Variants in ITPRID1 observed in about 807,000 individuals in gnomAD.
ITPRID1 encodes protein ITPRID1.
A neutral mutation model predicts 95.4 loss-of-function variants in ITPRID1; 96 were observed. The ratio of observed to expected loss-of-function variants is 1.01; its 90% CI spans 0.85 to 1.19. The LOEUF is 1.19. ITPRID1 is among the 50% of genes most tolerant of loss of function. The probability of loss-of-function intolerance (pLI) is 0.00; values close to 1 mark genes in which losing one functional copy is unlikely to be tolerated. For missense variants in ITPRID1, 1,339 were observed against 1,252.9 expected (o/e 1.07, Z -1.04); for synonymous variants, 510 against 453.6 (o/e 1.12, Z -1.58).
intron 6 of ITPRID1, among the ~76,000 whole-genome samples, chr7:31,571,270 C>A (rs1461434397): frequency 2.6e-5 from 4 of 152,242 alleles, no homozygotes; most frequent in Admixed American, 2.0e-4. Context: ...TCATGATCCA[C>A]CCACCTCGGC....
intron 5 of ITPRID1, among the ~76,000 whole-genome samples, chr7:31,563,643 C>A (rs578049429): frequency 1.3e-5 from 2 of 152,128 alleles, no homozygotes; most frequent in Non-Finnish European, 2.9e-5. Flanking sequence ...CCTGAACTCA[C>A]TGTAGTGAGA....
rs190412626 is a variant in ITPRID1, at chr7:31,572,648, A to G, written c.395+460A>G. 1.0e-3 allele frequency among the ~76,000 whole-genome samples: 159 copies of G among 152,262 alleles called. 1 individual carries two copies. The highest frequency in any genetic ancestry group is 3.7e-3 in the African/African-American group (154 of 41,560). On this transcript the variant is annotated intron_variant, in intron 7 of 14. Transcript: ENST00000615280. Reference sequence around the variant, plus strand: ...TAGGTTTAACTGGAAGAGGGTCAGGATTGGTGGGGGTAATAATTGAGGGGA... The same window carrying G: ...TAGGTTTAACTGGAAGAGGGTCAGGGTTGGTGGGGGTAATAATTGAGGGGA...
intron 9 of ITPRID1, 74 bp downstream of exon 9, chr7:31,578,508 C>A: frequency 9.5e-7 from 1 of 1,050,496 alleles, no homozygotes; most frequent in Non-Finnish European, 1.4e-6. Flanking sequence ...TTCCAGCCCT[C>A]ATTTCACCAC....
At chr7:31,562,544 AG>A (rs1784659964) in intron 5 of ITPRID1, among the ~76,000 whole-genome samples, 1 of 152,224 alleles carries the variant, frequency 6.6e-6, no homozygotes, top group South Asian at 2.1e-4. Flanking sequence ...TATAAGAAAA[AG>A]TCAAAGTAAA....
rs779836058 is a variant in ITPRID1, at chr7:31,578,009, C to T, written c.745C>T (p.His249Tyr). The T allele has an allele frequency of 4.3e-6, 7 of 1,613,814 alleles. No homozygotes were observed. The Admixed American group carries it at 1.2e-4, about 27-fold the overall frequency. Residue 249 changes from histidine to tyrosine, a missense_variant, in exon 9 of 15, where the codon CAT (histidine) becomes TAT (tyrosine). Physicochemically the swap from His to Tyr is moderately conservative, Grantham distance 83. Coordinates refer to ENST00000615280, the MANE Select transcript of ITPRID1 (RefSeq NM_001257967.3). ...AACCTCAGTGAGTGCCGCCAAAGAGCATCGAAGAAGAATGGGTAAACTCTT... is the reference window on the plus strand; with the variant it reads ...AACCTCAGTGAGTGCCGCCAAAGAGTATCGAAGAAGAATGGGTAAACTCTT... ...QRTSVSAAKE[H>Y]RRRMGKLLRR...
At position 31,530,919 on chromosome 7, in the gene ITPRID1, T is replaced by C. The variant is rs116739558; in HGVS notation, c.-98+16799T>C. Among the ~76,000 whole-genome samples the C allele has an allele frequency of 5.9e-3, 894 of 152,352 alleles. 11 individuals are homozygous for C. The highest frequency in any genetic ancestry group is 0.021 in the African/African-American group (855 of 41,574). ...TCTTCTGGTTCAGACACCAGAGTAC[T>C]GCCTGATTAGCCTTGCTCAGAACTT... On this transcript the variant is annotated intron_variant, in intron 1 of 14. Transcript: ENST00000615280.
chr7:31,612,403 T>C (rs1786914408), intron 10 of ITPRID1, among the ~76,000 whole-genome samples: 1 of 152,138 alleles, frequency 6.6e-6, no homozygotes, highest in Non-Finnish European at 1.5e-5. Flanking sequence ...TCTTTCTCAT[T>C]TCTTTGTGTG....
At chr7:31,548,260 A>G (rs1159910454) in intron 1 of ITPRID1, among the ~76,000 whole-genome samples, 1 of 152,124 alleles carries the variant, frequency 6.6e-6, no homozygotes, top group East Asian at 1.9e-4. Context: ...ATTGATAATG[A>G]AATCTTCCAG....
At chr7:31,556,533 G>A (rs1784451489) in intron 5 of ITPRID1, among the ~76,000 whole-genome samples, 1 of 152,068 alleles carries the variant, frequency 6.6e-6, no homozygotes, top group East Asian at 1.9e-4. Context: ...CAGCCCCACT[G>A]CATGCTGGCT....
At chr7:31,514,593 C>G (rs1782992620) in intron 1 of ITPRID1, among the ~76,000 whole-genome samples, 1 of 152,096 alleles carries the variant, frequency 6.6e-6, no homozygotes, top group Non-Finnish European at 1.5e-5. Context: ...CAGGTAAGTA[C>G]AGCTTATAAG....
intron 12 of ITPRID1, 106 bp from the exon 13 acceptor site, chr7:31,651,036 G>C: frequency 7.6e-7 from 1 of 1,321,618 alleles, no homozygotes; most frequent in East Asian, 2.5e-5. Flanking sequence ...AGTAGGGCCT[G>C]TTTGCGAAAA....
chr7:31,611,367 C>T (rs1263194520), intron 10 of ITPRID1, among the ~76,000 whole-genome samples: 1 of 151,724 alleles, frequency 6.6e-6, no homozygotes, highest in Admixed American at 6.6e-5. Context: ...AAAAGAATTA[C>T]AAGCAAAAAT....
At chr7:31,577,170 A>G (rs1475044365) in intron 8 of ITPRID1, among the ~76,000 whole-genome samples, 1 of 152,246 alleles carries the variant, frequency 6.6e-6, no homozygotes, top group Admixed American at 6.5e-5. Context: ...TTGCTCGTTT[A>G]TAATCATTAT....
intron 10 of ITPRID1, among the ~76,000 whole-genome samples, chr7:31,605,907 A>G (rs555644864): frequency 8.5e-5 from 13 of 152,250 alleles, no homozygotes; most frequent in African/African-American, 2.6e-4. Flanking sequence ...ACAGACCTCA[A>G]TGATGATATC....
At chr7:31,631,933 G>A (rs7792597) in intron 10 of ITPRID1, among the ~76,000 whole-genome samples, 79,424 of 151,944 alleles carry the variant, frequency 0.52, 21,350 homozygotes, top group East Asian at 0.83. Context: ...GTGATGGCAG[G>A]TACCTTTGAT....
intron 1 of ITPRID1, among the ~76,000 whole-genome samples, chr7:31,527,421 C>T (rs529209292): frequency 6.6e-6 from 1 of 152,266 alleles, no homozygotes; most frequent in South Asian, 2.1e-4. Flanking sequence ...TTTCCTCACT[C>T]CTACTTTCCT....
intron 1 of ITPRID1, 23 bp from the exon 2 acceptor site, chr7:31,549,403 G>A: frequency 7.3e-7 from 1 of 1,372,922 alleles, no homozygotes; most frequent in Non-Finnish European, 9.4e-7. Flanking sequence ...TGCATTGATT[G>A]GTGATTCTTC....
Position 31,652,676 on chromosome 7 carries a change from C to T in ITPRID1, c.2982C>T (p.Pro994=), listed in dbSNP as rs1246962582. 1.2e-6 allele frequency: 2 copies of T among 1,613,952 alleles called. No individual in the cohort carries two copies. The highest frequency in any genetic ancestry group is 1.7e-5 in the Admixed American group (1 of 60,010). ...VFPPDDGQEA[P]CSGGTQLAAF... is the part of the protein sequence containing the mutation. ...CTCCCGATGATGGCCAGGAGGCTCC[C>T]TGTTCAGGTGGGACCCAGTTGGCTG... The change falls in exon 15 of 15, where the codon CCC becomes CCT. Residue 994 remains proline (P), a synonymous_variant. Coordinates refer to ENST00000615280, the MANE Select transcript of ITPRID1 (RefSeq NM_001257967.3).
chr7:31,538,237 TCTA>T (rs926096491), intron 1 of ITPRID1, among the ~76,000 whole-genome samples: 2 of 48,834 alleles, frequency 4.1e-5, no homozygotes, highest in African/African-American at 8.3e-5. Context: ...ATTGTCTGTC[TCTA>T]CACACACACA....
Sources: gnomAD v4.1 joint callset for allele counts (sites outside exome capture counted in the v4.1 genomes callset) on GRCh38, gnomAD v4.1.1 for gene constraint, MANE v1.5 for transcripts, NCBI Gene and HGNC (gene_info 2026-07-23, HGNC 2026-07-21) for gene names.